RNF135: variants seen among roughly 807,000 people sequenced by gnomAD.
RNF135 encodes the protein E3 ubiquitin-protein ligase RNF135.
RNF135 carries 46 observed loss-of-function variants against 41.9 expected under a neutral mutation model. The observed-to-expected ratio is 1.10, with a 90% CI of 0.87 to 1.40. RNF135 has a LOEUF of 1.40. RNF135 is among the 40% of genes most tolerant of loss of function. RNF135 has a pLI of 0.00. For missense variants in RNF135, 539 were observed against 549.8 expected (o/e 0.98, Z 0.20); for synonymous variants, 238 against 223.8 (o/e 1.06, Z -0.57).
At chr17:30,979,944 C>T (rs1407195339) in intron 1 of RNF135, among the ~76,000 whole-genome samples, 3 of 87,364 alleles carry the variant, frequency 3.4e-5, no homozygotes, top group African/African-American at 4.8e-5. Flanking sequence ...CGGGCAGAGG[C>T]GCCCCTCACC....
Position 30,977,488 on chromosome 17 carries a change from C to T in RNF135, c.372+6043C>T, listed in dbSNP as rs552388587. Among the ~76,000 whole-genome samples, 23 of 152,302 alleles carry T rather than the reference C, an allele frequency of 1.5e-4. 1 individual carries two copies. The South Asian group carries it at 4.6e-3, about 30-fold the overall frequency. On this transcript the variant is annotated intron_variant, in intron 1 of 4. Coordinates refer to ENST00000328381, the MANE Select transcript of RNF135 (RefSeq NM_032322.4). Reference sequence around the variant, plus strand: ...TCTTGGGTTCAAGAAATTCTCCTGTCTCAGCCTCCCGAGTAGCTGGGACTA... The same window carrying T: ...TCTTGGGTTCAAGAAATTCTCCTGTTTCAGCCTCCCGAGTAGCTGGGACTA...
At chr17:30,986,622 T>G (rs141629478) in intron 2 of RNF135, among the ~76,000 whole-genome samples, 1 of 152,176 alleles carries the variant, frequency 6.6e-6, no homozygotes, top group Non-Finnish European at 1.5e-5. Context: ...AGGGATGCGA[T>G]GTGTTGGGAT....
Position 30,977,010 on chromosome 17 carries a change from CCTT to C in RNF135, c.372+5569_372+5571del, listed in dbSNP as rs757740956. On this transcript the variant is annotated intron_variant, in intron 1 of 4. Transcript: ENST00000328381. The stretch of plus-strand genomic sequence containing the variant: ...TTGTTTTGTTTTGTGGTCTTCTCTT[CCTT>C]CTTTCCTTCTTTTCTGTCTTCCTTT... Among the ~76,000 whole-genome samples, 14 of 152,114 alleles carry C rather than the reference CCTT, an allele frequency of 9.2e-5. No homozygotes were observed. The South Asian group carries it at 2.9e-3, about 32-fold the overall frequency.
chr17:30,998,565 C>T, intron 4 of RNF135, 97 bp from the exon 5 acceptor site: 2 of 1,213,894 alleles, frequency 1.6e-6, no homozygotes, highest in Admixed American at 1.8e-5. Flanking sequence ...TGAAACATCA[C>T]ACCAAAAGAT....
chr17:30,998,622 G>T, intron 4 of RNF135, 40 bp from the exon 5 acceptor site: 1 of 1,601,954 alleles, frequency 6.2e-7, no homozygotes, highest in South Asian at 1.1e-5. Context: ...ATCAAAAGAT[G>T]ACCGGCCATG....
intron 1 of RNF135, among the ~76,000 whole-genome samples, chr17:30,976,256 G>A (rs1050571380): frequency 5.9e-5 from 9 of 151,960 alleles, no homozygotes; most frequent in Non-Finnish European, 8.8e-5. Context: ...CACCCGCCTC[G>A]GCCTCCCAAA....
the RNF135 span, among the ~76,000 whole-genome samples, chr17:30,962,136 C>T: frequency 2.1e-5 from 3 of 145,976 alleles, no homozygotes; most frequent in Non-Finnish European, 4.5e-5. Context: ...CTATGCTGCA[C>T]TTTTTTTTTT....
At chr17:30,959,834 G>A in the RNF135 span, 1 of 152,100 alleles carries the variant, frequency 6.6e-6, no homozygotes, top group African/African-American at 2.4e-5. Flanking sequence ...TGGGCGACAA[G>A]AGGGAAACTC....
chr17:30,970,715 T>G, upstream of RNF135: 3 of 304,364 alleles, frequency 9.9e-6, no homozygotes, highest in Admixed American at 5.0e-5. Context: ...TTTTTTGTTG[T>G]TTATTTTTTT....
chr17:30,997,240 A>C lies in RNF135; in HGVS notation c.680-2A>C. ...TCCTCTGTTAATTTTTTTGTTACTT[A>C]GGAGAACTCCTGGAAGCCCCGTCTT... On this transcript the variant is annotated splice_acceptor_variant, in intron 3 of 4. Transcript: ENST00000328381. LOFTEE classifies it high-confidence loss of function. 1 of 1,613,390 alleles carries C rather than the reference A, an allele frequency of 6.2e-7. No individual in the cohort carries two copies. Among genetic ancestry groups the C allele is most frequent in the Non-Finnish European group, 8.5e-7 (1 of 1,179,422 alleles).
intron 3 of RNF135, among the ~76,000 whole-genome samples, chr17:30,991,404 T>C (rs901859734): frequency 4.6e-5 from 7 of 151,792 alleles, no homozygotes; most frequent in Non-Finnish European, 1.0e-4. Flanking sequence ...CGCGTTTTTT[T>C]TCTCTTTCTC....
chr17:30,982,397 C>T (rs952190), intron 1 of RNF135, among the ~76,000 whole-genome samples: 119,435 of 152,112 alleles, frequency 0.79, 47,938 homozygotes, highest in African/African-American at 0.95. Flanking sequence ...CTTTGTGAAG[C>T]GACAAGGCAA....
chr17:30,962,806 A>G, the RNF135 span, among the ~76,000 whole-genome samples: 1 of 152,154 alleles, frequency 6.6e-6, no homozygotes, highest in Non-Finnish European at 1.5e-5. Context: ...GGGTATCACA[A>G]TAGCCATCAA....
chr17:30,964,972 T>C, the RNF135 span: 1 of 152,208 alleles, frequency 6.6e-6, no homozygotes, highest in Non-Finnish European at 1.5e-5. Context: ...GCATGAGGCA[T>C]TGCTCCTGGC....
intron 1 of RNF135, among the ~76,000 whole-genome samples, chr17:30,974,774 G>A (rs938998008): frequency 7.2e-5 from 11 of 151,796 alleles, no homozygotes; most frequent in Admixed American, 4.6e-4. Context: ...CCATCTCCCG[G>A]GTTCAAGTGA....
intron 1 of RNF135, among the ~76,000 whole-genome samples, chr17:30,978,361 AATTCT>A (rs1906647231): frequency 1.3e-5 from 2 of 152,014 alleles, no homozygotes; most frequent in South Asian, 2.1e-4. Flanking sequence ...TAAGGCCAAT[AATTCT>A]TAGATTTGCC....
chr17:30,975,859 T>G, intron 1 of RNF135: 3 of 814,002 alleles, frequency 3.7e-6, no homozygotes, highest in Non-Finnish European at 6.4e-6. Flanking sequence ...GCCAAGCTCC[T>G]AACGTATATG....
the RNF135 span, among the ~76,000 whole-genome samples, chr17:30,960,700 T>TTTTTA: frequency 2.4e-3 from 352 of 148,994 alleles, no homozygotes; most frequent in Admixed American, 0.011. Flanking sequence ...TAATATGTAA[T>TTTTTA]TTTTATTTTA....
chr17:30,982,000 A>G (rs1907185671), intron 1 of RNF135, among the ~76,000 whole-genome samples: 1 of 152,234 alleles, frequency 6.6e-6, no homozygotes, highest in African/African-American at 2.4e-5. Flanking sequence ...CCTAAAGCCA[A>G]CACAGCACTG....
Sources: gnomAD v4.1 joint callset for allele counts (sites outside exome capture counted in the v4.1 genomes callset) on GRCh38, gnomAD v4.1.1 for gene constraint, MANE v1.5 for transcripts, NCBI Gene and HGNC (gene_info 2026-07-23, HGNC 2026-07-21) for gene names.